Variants in OGDH observed in about 807,000 individuals in gnomAD.
The protein encoded by OGDH is 2-oxoglutarate dehydrogenase complex component E1.
OGDH carries 38 observed loss-of-function variants against 116.6 expected under a neutral mutation model. The ratio of observed to expected loss-of-function variants is 0.33; its 90% CI spans 0.25 to 0.43. The LOEUF is 0.43. Among genes scored for constraint, OGDH ranks in the 20% least tolerant of loss-of-function variants. The pLI is 1.00. For synonymous variants in OGDH, 488 were observed against 533.3 expected (o/e 0.92, Z 1.17); for missense variants, 825 against 1,357.2 (o/e 0.61, Z 6.16).
intron 4 of OGDH, among the ~76,000 whole-genome samples, chr7:44,663,865 T>C (rs763746247): frequency 1.9e-4 from 29 of 151,624 alleles, no homozygotes; most frequent in Non-Finnish European, 3.5e-4. Context: ...ACCTGAGCCC[T>C]GGAGGTTAAG....
intron 1 of OGDH, among the ~76,000 whole-genome samples, chr7:44,611,266 T>C (rs1336530884): frequency 6.6e-6 from 1 of 151,598 alleles, no homozygotes; most frequent in Non-Finnish European, 1.5e-5. Flanking sequence ...TATTTTTTGT[T>C]TTTTGGTTTT....
At chr7:44,678,524 A>G (rs565741508) in intron 9 of OGDH, among the ~76,000 whole-genome samples, 25 of 152,322 alleles carry the variant, frequency 1.6e-4, no homozygotes, top group African/African-American at 6.0e-4. Flanking sequence ...CCAGGACAGG[A>G]GAGGCTGGTT....
At chr7:44,673,095 G>C (rs905619186) in intron 5 of OGDH, among the ~76,000 whole-genome samples, 1 of 152,176 alleles carries the variant, frequency 6.6e-6, no homozygotes, top group African/African-American at 2.4e-5. Context: ...ATCTGCTCAG[G>C]ATCCTGACTT....
intron 1 of OGDH, among the ~76,000 whole-genome samples, chr7:44,610,305 TG>T (rs374666000): frequency 2.0e-5 from 3 of 152,034 alleles, no homozygotes; most frequent in Non-Finnish European, 4.4e-5. Flanking sequence ...GTTTTTTTTT[TG>T]TTTGTTTGTT....
chr7:44,608,419 C>T (rs376136239), intron 1 of OGDH, among the ~76,000 whole-genome samples: 1 of 148,528 alleles, frequency 6.7e-6, no homozygotes, highest in Non-Finnish European at 1.5e-5. Flanking sequence ...AAAAAAAAGG[C>T]CGGGCGCAGT....
intron 1 of OGDH, among the ~76,000 whole-genome samples, chr7:44,613,353 T>C (rs925604804): frequency 1.1e-4 from 17 of 151,900 alleles, no homozygotes; most frequent in African/African-American, 3.4e-4. Context: ...TTTGTTTGTT[T>C]GTTTATTTGT....
At chr7:44,692,516 T>C (rs1318067565) in intron 10 of OGDH, among the ~76,000 whole-genome samples, 1 of 152,218 alleles carries the variant, frequency 6.6e-6, no homozygotes, top group East Asian at 1.9e-4. Context: ...GCCTGCGGGC[T>C]TGAGCCTCTG....
At chr7:44,692,603 G>A (rs1353978390) in intron 10 of OGDH, among the ~76,000 whole-genome samples, 1 of 152,208 alleles carries the variant, frequency 6.6e-6, no homozygotes, top group Non-Finnish European at 1.5e-5. Context: ...AGGCGTTAAG[G>A]ATGAGCAGTG....
At chr7:44,690,213 T>C (rs1788309830) in intron 10 of OGDH, among the ~76,000 whole-genome samples, 1 of 152,248 alleles carries the variant, frequency 6.6e-6, no homozygotes, top group African/African-American at 2.4e-5. Flanking sequence ...CAGTGAGACC[T>C]GTTCCAACAG....
At chr7:44,666,530 G>A (rs1450406083) in intron 4 of OGDH, 2 of 338,506 alleles carry the variant, frequency 5.9e-6, no homozygotes, top group East Asian at 4.5e-5. Flanking sequence ...TACTCTAATA[G>A]CCTCAGCTTC....
intron 9 of OGDH, among the ~76,000 whole-genome samples, chr7:44,677,747 G>A (rs572077497): frequency 5.0e-4 from 76 of 152,092 alleles, no homozygotes; most frequent in African/African-American, 1.7e-3. Flanking sequence ...GGTGGCACAC[G>A]CCTGTAGTCT....
At position 44,707,427 on chromosome 7, in the gene OGDH, G is replaced by A; in HGVS notation, c.2796+39G>A. ...GTGCCATCAGGGTGTCCCCCCAGCG[G>A]GGGTCAGGGCTCTGGTGCCTTCACA... is the stretch of plus-strand genomic sequence containing the variant. On this transcript the variant is annotated intron_variant, in intron 21 of 22. Coordinates refer to ENST00000222673, the MANE Select transcript of OGDH (RefSeq NM_002541.4). This position sits in a 1 kb window ranked among gnomAD's most constrained non-coding sequence, Gnocchi z 5.2. 6.2e-7 allele frequency: 1 copy of A among 1,611,938 alleles called. No homozygotes were observed. Among genetic ancestry groups the A allele is most frequent in the Non-Finnish European group, 8.5e-7 (1 of 1,178,762 alleles).
chr7:44,698,299 C>T lies in OGDH; in HGVS notation c.2430+36C>T, dbSNP rs779040369. ...CAGGCCCTGTCAGCCCAGCCATTCTCGGGGTGTCTGGTGGGAAACCTGGGG... is the reference window on the plus strand; with the variant it reads ...CAGGCCCTGTCAGCCCAGCCATTCTTGGGGTGTCTGGTGGGAAACCTGGGG... On this transcript the variant is annotated intron_variant, in intron 18 of 22. Coordinates refer to ENST00000222673, the MANE Select transcript of OGDH (RefSeq NM_002541.4). 16 of 1,606,722 alleles carry T rather than the reference C, an allele frequency of 1.0e-5. 1 individual carries two copies. Among genetic ancestry groups the T allele is most frequent in the South Asian group, 4.4e-5 (4 of 90,850 alleles).
intron 1 of OGDH, among the ~76,000 whole-genome samples, chr7:44,607,481 C>T (rs1784398808): frequency 1.3e-5 from 2 of 152,140 alleles, no homozygotes; most frequent in African/African-American, 4.8e-5. Flanking sequence ...GTCTTGCAGT[C>T]CGTACTTTGA....
intron 2 of OGDH, among the ~76,000 whole-genome samples, chr7:44,644,742 A>G (rs1346806838): frequency 6.6e-6 from 1 of 152,212 alleles, no homozygotes; most frequent in Non-Finnish European, 1.5e-5. Context: ...TGCCTCTTAC[A>G]AAGGATCAGG....
At chr7:44,699,586 C>T (rs1340904634) in intron 18 of OGDH, among the ~76,000 whole-genome samples, 3 of 152,160 alleles carry the variant, frequency 2.0e-5, no homozygotes, top group East Asian at 1.9e-4. Context: ...GACTGAGGCT[C>T]TCCTCCAGGG....
intron 5 of OGDH, among the ~76,000 whole-genome samples, chr7:44,667,533 TC>T (rs764595563): frequency 2.5e-4 from 38 of 152,184 alleles, no homozygotes; most frequent in Non-Finnish European, 5.1e-4. Context: ...TTCATTTTTT[TC>T]CTTCTCTCTG....
At chr7:44,680,175 G>A (rs1787867522) in intron 9 of OGDH, among the ~76,000 whole-genome samples, 1 of 152,082 alleles carries the variant, frequency 6.6e-6, no homozygotes. Flanking sequence ...TCGTGCCACT[G>A]CACTCCAGCC....
Position 44,693,835 on chromosome 7 carries a change from C to T in OGDH, c.1346C>T (p.Thr449Ile), listed in dbSNP as rs1248176599. The change falls in exon 11 of 23, where the codon ACC becomes ATC. Residue 449 changes from threonine (T) to isoleucine (I), a missense_variant. Coordinates refer to ENST00000222673, the MANE Select transcript of OGDH (RefSeq NM_002541.4). The stretch of plus-strand genomic sequence containing the variant: ...ACATGTTCCTTGCAGATCGGCTTCA[C>T]CACCGACCCTCGGATGGCCCGCTCC... ...HVVVNNQIGF[T>I]TDPRMARSSP... The T allele has an allele frequency of 6.3e-7, 1 of 1,594,678 alleles. No individual in the cohort carries two copies. The highest frequency in any genetic ancestry group is 1.7e-5 in the Admixed American group (1 of 59,110).
Sources: allele counts gnomAD v4.1 joint callset (sites outside exome capture counted in the v4.1 genomes callset), GRCh38; gene constraint gnomAD v4.1.1; non-coding constraint Gnocchi (gnomAD v3.1); transcripts MANE v1.5; gene names NCBI Gene and HGNC (gene_info 2026-07-23, HGNC 2026-07-21).